FAM234B: variants seen among roughly 807,000 people sequenced by gnomAD.
FAM234B encodes the protein family with sequence similarity 234 member B.
A neutral mutation model predicts 69.3 loss-of-function variants in FAM234B; 33 were observed. That is an observed-to-expected ratio of 0.48 (90% CI 0.36 to 0.64). FAM234B has a LOEUF of 0.64. Among genes scored for constraint, FAM234B ranks in the 30% least tolerant of loss-of-function variants. FAM234B has a pLI of 0.00. For missense variants in FAM234B, 697 were observed against 769.7 expected (o/e 0.91, Z 1.12); for synonymous variants, 306 against 306.9 (o/e 1.00, Z 0.03).
intron 6 of FAM234B, 128 bp downstream of exon 6, chr12:13,066,915 C>A: frequency 1.9e-6 from 2 of 1,077,000 alleles, no homozygotes; most frequent in African/African-American, 1.6e-5. Flanking sequence ...AATGCAGGGG[C>A]CTCTTACTGT....
chr12:13,072,029 G>A (rs1017380511), intron 10 of FAM234B, among the ~76,000 whole-genome samples: 1 of 152,214 alleles, frequency 6.6e-6, no homozygotes. Context: ...CCCTGCCTGA[G>A]TTCAATGAAA....
chr12:13,072,941 G>T (rs1015721321), intron 10 of FAM234B, among the ~76,000 whole-genome samples: 2 of 152,162 alleles, frequency 1.3e-5, no homozygotes, highest in East Asian at 3.9e-4. Context: ...ACTAAAGAAA[G>T]TCACAAGGAG....
chr12:13,080,149 T>G (rs996599155), intron 12 of FAM234B, 140 bp downstream of exon 12: 49 of 622,746 alleles, frequency 7.9e-5, no homozygotes, highest in Non-Finnish European at 1.2e-4. Context: ...GGACCAACAC[T>G]GTTTCCTATG....
chr12:13,076,924 A>C (rs539031846), intron 11 of FAM234B, among the ~76,000 whole-genome samples: 2 of 152,346 alleles, frequency 1.3e-5, no homozygotes, highest in South Asian at 4.1e-4. Flanking sequence ...AGAGGACCAG[A>C]TGACCACATC....
chr12:13,077,453 GATGTTCCCCTTCTTGTGTCC>G (rs1209161370), intron 11 of FAM234B, among the ~76,000 whole-genome samples: 53 of 133,682 alleles, frequency 4.0e-4, no homozygotes, highest in African/African-American at 1.5e-3. Context: ...CCCAGAGTGT[GATGTTCCCCTTCTTGTGTCC>G]ATGTGTTCTC....
chr12:13,054,573 G>C (rs1864909591), intron 1 of FAM234B, among the ~76,000 whole-genome samples: 1 of 151,984 alleles, frequency 6.6e-6, no homozygotes, highest in Non-Finnish European at 1.5e-5. Flanking sequence ...TGGGTTTTGT[G>C]GTCTTTTTTA....
chr12:13,071,446 C>G, intron 10 of FAM234B, 50 bp downstream of exon 10: 1 of 1,508,638 alleles, frequency 6.6e-7, no homozygotes, highest in East Asian at 2.3e-5. Context: ...ATGGCAGCTG[C>G]TGTGCAGGGC....
chr12:13,059,953 G>T (rs1353982162), intron 3 of FAM234B, among the ~76,000 whole-genome samples: 5 of 152,224 alleles, frequency 3.3e-5, no homozygotes, highest in African/African-American at 1.2e-4. Context: ...TATGGACCAG[G>T]CTGATTTGGC....
rs1865266493 is a variant in FAM234B at position 13,083,389 on chromosome 12, C to T, written c.*2759C>T. 1 of 152,336 alleles carries T rather than the reference C, an allele frequency of 6.6e-6. No individual in the cohort carries two copies. 9.4% of individuals were successfully genotyped at this position (152,336 alleles called of 1,614,324 possible). ...AAAGAAGAGCCAGCTGGTATATTGT[C>T]AGGAAGCACTATTTAAAATGTGAAC... On this transcript the variant is annotated 3_prime_UTR_variant, in exon 13 of 13. Transcript: ENST00000197268.
At chr12:13,050,017 C>G (rs1591595197) in intron 1 of FAM234B, among the ~76,000 whole-genome samples, 1 of 152,270 alleles carries the variant, frequency 6.6e-6, no homozygotes, top group East Asian at 1.9e-4. Context: ...AGCTGGCTCC[C>G]CACCAGCACT....
chr12:13,055,472 G>C, intron 1 of FAM234B, 79 bp from the exon 2 acceptor site: 1 of 1,358,188 alleles, frequency 7.4e-7, no homozygotes, highest in East Asian at 2.3e-5. Context: ...GTTCTTCTGG[G>C]TATTTACAGT....
rs1304282995 is a variant in FAM234B, at chr12:13,079,984, T to C, written c.1838T>C (p.Ile613Thr). Residue 613 changes from isoleucine (I) to threonine (T), a missense_variant, in exon 12 of 13, where the codon ATA (isoleucine) becomes ACA (threonine). Physicochemically the swap from Ile to Thr is moderately conservative, Grantham distance 89. Around this residue, in one of 3 missense-constraint regions of FAM234B, gnomAD observed 313 missense variants for 305.5 expected, o/e 1.02. Coordinates refer to ENST00000197268, the MANE Select transcript of FAM234B (RefSeq NM_020853.2). ...GAGCTGCGAAGATTTCTCTCTAGGA[T>C]AAAGTTTGTTGAAGCTCCCTACGAG... ...RGELRRFLSR[I>T]KFVEAPYEI 2 of 1,607,886 alleles carry C rather than the reference T, an allele frequency of 1.2e-6. No individual in the cohort carries two copies. Among genetic ancestry groups the C allele is most frequent in the Admixed American group, 3.4e-5 (2 of 59,026 alleles).
In FAM234B at chr12:13,080,721, G is replaced by C; in HGVS notation, c.*91G>C. 1 of 1,135,492 alleles carries C rather than the reference G, an allele frequency of 8.8e-7. No individual in the cohort carries two copies. Among genetic ancestry groups the C allele is most frequent in the African/African-American group, 1.5e-5 (1 of 64,608 alleles). The allele number at this position is 1,135,492 out of a possible 1,614,324, so 70.3% of individuals were successfully genotyped here. A position where few individuals can be genotyped will look rare whatever the true frequency, so the allele number is the denominator to read the frequency against. On this transcript the variant is annotated 3_prime_UTR_variant, in exon 13 of 13. Transcript: ENST00000197268. ...TGTAAAATCAGTTCTATGGAGAGAA[G>C]ACTTCTTCGTCCTCATTTACCACCT...
chr12:13,068,813 T>G, intron 9 of FAM234B, 102 bp downstream of exon 9: 1 of 724,834 alleles, frequency 1.4e-6, no homozygotes, highest in Non-Finnish European at 2.3e-6. Flanking sequence ...ACCTAAAATA[T>G]GATCTCTAAC....
At chr12:13,054,670 T>G (rs934566153) in intron 1 of FAM234B, among the ~76,000 whole-genome samples, 1 of 152,234 alleles carries the variant, frequency 6.6e-6, no homozygotes, top group African/African-American at 2.4e-5. Context: ...AACATTTTCT[T>G]GGTTGTTACT....
chr12:13,070,352 C>T (rs537035526), intron 9 of FAM234B, among the ~76,000 whole-genome samples: 3 of 151,906 alleles, frequency 2.0e-5, no homozygotes, highest in Admixed American at 6.6e-5. Context: ...TTGTCTCTGC[C>T]GGGTTGGTTC....
In FAM234B at chr12:13,055,694, G is replaced by A. The variant is rs749647532; in HGVS notation, c.181G>A (p.Asp61Asn). 1.9e-6 allele frequency: 3 copies of A among 1,614,244 alleles called. No individual in the cohort carries two copies. Among genetic ancestry groups the A allele is most frequent in the Middle Eastern group, 1.6e-4 (1 of 6,062 alleles). Reference protein sequence around the residue: ...KSPLGEAPEPDSDAEVAEAAK... With the variant: ...KSPLGEAPEPNSDAEVAEAAK... ...TCCTTTGGGAGAAGCGCCAGAACCC[G>A]ACTCAGATGCTGAGGTTGCAGAGGC... The change falls in exon 2 of 13, where the codon GAC becomes AAC. Residue 61 changes from aspartate (D) to asparagine (N), a missense_variant. Physicochemically the swap from Asp to Asn is conservative, Grantham distance 23. Coordinates refer to ENST00000197268, the MANE Select transcript of FAM234B (RefSeq NM_020853.2).
rs1230747369 is a variant in FAM234B, at chr12:13,044,624, G to A, written c.37+184G>A. On this transcript the variant is annotated intron_variant, in intron 1 of 12. Coordinates refer to ENST00000197268, the MANE Select transcript of FAM234B (RefSeq NM_020853.2). The surrounding 1 kb of genome is among the most constrained non-coding windows in gnomAD (Gnocchi z 5.6). ...TCTGTGCCACCAGAGGGCGAGAGGG[G>A]CGCCCAGCGGGGCAGGGGTCTCGGG... Among the ~76,000 whole-genome samples, 1 of 152,246 alleles carries A rather than the reference G, an allele frequency of 6.6e-6. No individual in the cohort carries two copies. Among genetic ancestry groups the A allele is most frequent in the African/African-American group, 2.4e-5 (1 of 41,476 alleles).
chr12:13,052,704 G>A (rs183771216), intron 1 of FAM234B, among the ~76,000 whole-genome samples: 8 of 150,098 alleles, frequency 5.3e-5, no homozygotes, highest in African/African-American at 2.0e-4. Context: ...GCCTTTTTGT[G>A]TGTGGCTCAT....
Sources: gnomAD v4.1 joint callset for allele counts (sites outside exome capture counted in the v4.1 genomes callset) on GRCh38, gnomAD v4.1.1 for gene constraint, gnomAD v4.1.1 regional missense constraint, Gnocchi (gnomAD v3.1) non-coding constraint, MANE v1.5 for transcripts, NCBI Gene and HGNC (gene_info 2026-07-23, HGNC 2026-07-21) for gene names.